The following H2AZ2 variants were observed in gnomAD, a reference collection of about 807,000 sequenced individuals.
H2AZ2 encodes H2A.Z variant histone 2.
A neutral mutation model predicts 15.5 loss-of-function variants in H2AZ2; 5 were observed. That is an observed-to-expected ratio of 0.32 (90% CI 0.17 to 0.68). The LOEUF is 0.68. Among genes scored for constraint, H2AZ2 ranks in the 30% least tolerant of loss-of-function variants. The pLI is 0.72. For synonymous variants in H2AZ2, 44 were observed against 57.4 expected, an observed-to-expected ratio of 0.77 and a Z score of 1.05; for missense variants, 42 against 162.5, an observed-to-expected ratio of 0.26 and a Z score of 4.03.
chr7:44,831,537 C>CA (rs1332521540), downstream of H2AZ2, among the ~76,000 whole-genome samples: 1 of 151,850 alleles, frequency 6.6e-6, no homozygotes, highest in Non-Finnish European at 1.5e-5. Context: ...CACTCCCCCC[C>CA]CCGCTTCTTT....
At chr7:44,836,983 G>A (rs912361519) in intron 3 of H2AZ2, among the ~76,000 whole-genome samples, 3 of 148,892 alleles carry the variant, frequency 2.0e-5, no homozygotes, top group Admixed American at 1.3e-4. Context: ...ACGACAGAGC[G>A]AGACTCTGTC....
chr7:44,834,163 T>A lies in H2AZ2; in HGVS notation c.*338A>T. The A allele has an allele frequency of 9.9e-7, 1 of 1,005,224 alleles. No individual in the cohort carries two copies. The highest frequency in any genetic ancestry group is 1.2e-6 in the Non-Finnish European group (1 of 831,596). The allele number at this position is 1,005,224 out of a possible 1,614,324, so 62.3% of individuals were successfully genotyped here. A position where few individuals can be genotyped will look rare whatever the true frequency, so the allele number is the denominator to read the frequency against. On this transcript the variant is annotated 3_prime_UTR_variant, in exon 5 of 5. Transcript: ENST00000308153. Reference sequence around the variant, plus strand: ...TACTCTGAATAACCAATCTGAGATTTAAAATATTTAAAGTCTGAGTAAAAT... The same window carrying A: ...TACTCTGAATAACCAATCTGAGATTAAAAATATTTAAAGTCTGAGTAAAAT...
At chr7:44,843,855 G>A (rs1793336311) in intron 1 of H2AZ2, among the ~76,000 whole-genome samples, 1 of 152,120 alleles carries the variant, frequency 6.6e-6, no homozygotes, top group Non-Finnish European at 1.5e-5. Context: ...ACAGTGCCAG[G>A]CTGAAAAATA....
intron 1 of H2AZ2, among the ~76,000 whole-genome samples, chr7:44,847,377 T>C (rs1046459180): frequency 1.3e-5 from 2 of 152,212 alleles, no homozygotes; most frequent in South Asian, 4.1e-4. Context: ...TGTTGTATAA[T>C]GAAAACCGCA....
At chr7:44,828,048 T>C (rs1792950417), downstream of H2AZ2, 1 of 152,174 alleles carries the variant, frequency 6.6e-6, no homozygotes, top group African/African-American at 2.4e-5. Flanking sequence ...GGCTATTTTT[T>C]TCTGTTAGTT....
At chr7:44,840,002 AAAATAAAT>A (rs149563809) in intron 3 of H2AZ2, among the ~76,000 whole-genome samples, 44,483 of 141,806 alleles carry the variant, frequency 0.31, 7,696 homozygotes, top group Non-Finnish European at 0.38. Flanking sequence ...ACCCTGTCTC[AAAATAAAT>A]AAATAAATAA....
In H2AZ2 at chr7:44,833,366, G is replaced by GGGACTACAGGCGC. The variant is rs1168543402; in HGVS notation, c.*1122_*1134dup. Among the ~76,000 whole-genome samples the GGGACTACAGGCGC allele has an allele frequency of 6.6e-6, 1 of 152,104 alleles. No individual in the cohort carries two copies. The highest frequency in any genetic ancestry group is 1.5e-5 in the Non-Finnish European group (1 of 68,036). On this transcript the variant is annotated 3_prime_UTR_variant, in exon 5 of 5. Transcript: ENST00000308153. The stretch of plus-strand genomic sequence containing the variant: ...TCATGCCTCAGCCTCCTGAGTAGCT[G>GGGACTACAGGCGC]GGACTACAGGCGCGTGCCACCACAC...
chr7:44,828,319 T>C (rs1222030051), downstream of H2AZ2: 1 of 152,176 alleles, frequency 6.6e-6, no homozygotes. Context: ...GTTCTCCATT[T>C]TGAGTTTACC....
rs1276092104 is a variant in H2AZ2 at position 44,832,839 on chromosome 7, A to C, written c.*1662T>G. Among the ~76,000 whole-genome samples, 1 of 152,050 alleles carries C rather than the reference A, an allele frequency of 6.6e-6. No homozygotes were observed. The highest frequency in any genetic ancestry group is 6.6e-5 in the Admixed American group (1 of 15,262). ...GTGGCATGTGCCTGTGGTCCCAGCT[A>C]TTTGCAGGGCTGAGGTAAGAGGATT... On this transcript the variant is annotated 3_prime_UTR_variant, in exon 5 of 5. Coordinates refer to ENST00000308153, the MANE Select transcript of H2AZ2 (RefSeq NM_012412.5).
chr7:44,841,081 T>C, intron 2 of H2AZ2, 69 bp from the exon 3 acceptor site: 1 of 1,165,028 alleles, frequency 8.6e-7, no homozygotes. Flanking sequence ...AATCAAAGGC[T>C]GAACAATGTA....
downstream of H2AZ2, among the ~76,000 whole-genome samples, chr7:44,831,334 T>C (rs10267576): frequency 0.35 from 52,603 of 152,072 alleles, 10,202 homozygotes; most frequent in Middle Eastern, 0.45. Flanking sequence ...CCAGAGTACA[T>C]GACCTAGTTG....
chr7:44,846,316 A>C (rs1416488315), intron 1 of H2AZ2, among the ~76,000 whole-genome samples: 1 of 152,154 alleles, frequency 6.6e-6, no homozygotes, highest in Admixed American at 6.6e-5. Flanking sequence ...AGATTGAAAA[A>C]TATCTGAAAA....
intron 1 of H2AZ2, among the ~76,000 whole-genome samples, chr7:44,846,060 C>CAGAGAGAGAG (rs1167886736): frequency 1.5e-4 from 12 of 78,278 alleles, no homozygotes; most frequent in South Asian, 1.0e-3. Flanking sequence ...CACACACACA[C>CAGAGAGAGAG]ACAGAGAGAG....
Position 44,834,470 on chromosome 7 carries a change from G to A in H2AZ2, c.*31C>T, listed in dbSNP as rs369459650. The A allele has an allele frequency of 1.0e-5, 16 of 1,599,886 alleles. No individual in the cohort carries two copies. Among genetic ancestry groups the A allele is most frequent in the Admixed American group, 1.7e-5 (1 of 58,466 alleles). On this transcript the variant is annotated 3_prime_UTR_variant, in exon 5 of 5. Coordinates refer to ENST00000308153, the MANE Select transcript of H2AZ2 (RefSeq NM_012412.5). Reference sequence around the variant, plus strand: ...TCTGTCCCAGTTACAGTACAATGACGGGGAGGAAGAGGGTTGGTTAAAGCA... The same window carrying A: ...TCTGTCCCAGTTACAGTACAATGACAGGGAGGAAGAGGGTTGGTTAAAGCA...
chr7:44,829,844 T>C (rs1476052794), downstream of H2AZ2: 1 of 266,924 alleles, frequency 3.7e-6, no homozygotes, highest in African/African-American at 2.3e-5. Context: ...AGGATGGTAG[T>C]GTGGACCAAC....
At chr7:44,834,612 C>G in intron 4 of H2AZ2, 50 bp from the exon 5 acceptor site, 1 of 1,505,852 alleles carries the variant, frequency 6.6e-7, no homozygotes, top group South Asian at 1.2e-5. Flanking sequence ...GTTTTTGCCT[C>G]AAGTAAAAAG....
downstream of H2AZ2, among the ~76,000 whole-genome samples, chr7:44,831,556 ACAAT>A (rs1793001020): frequency 6.6e-6 from 1 of 151,034 alleles, no homozygotes. Flanking sequence ...TTTTTTTCAA[ACAAT>A]CAGCTTTCTA....
chr7:44,834,155 C>T lies in H2AZ2; in HGVS notation c.*346G>A. The T allele has an allele frequency of 1.0e-6, 1 of 994,038 alleles. No individual in the cohort carries two copies. Among genetic ancestry groups the T allele is most frequent in the Non-Finnish European group, 1.2e-6 (1 of 824,042 alleles). 61.6% of individuals were successfully genotyped at this position (994,038 alleles called of 1,614,324 possible). On this transcript the variant is annotated 3_prime_UTR_variant, in exon 5 of 5. Transcript: ENST00000308153. ...TCTAAGGTTACTCTGAATAACCAAT[C>T]TGAGATTTAAAATATTTAAAGTCTG...
downstream of H2AZ2, chr7:44,827,876 C>T (rs1018431983): frequency 1.3e-5 from 2 of 152,066 alleles, no homozygotes; most frequent in Non-Finnish European, 2.9e-5. Context: ...CTTTGGCAGG[C>T]GAAACGTTCA....
Sources: allele counts gnomAD v4.1 joint callset (sites outside exome capture counted in the v4.1 genomes callset), GRCh38; gene constraint gnomAD v4.1.1; transcripts MANE v1.5; gene names NCBI Gene and HGNC (gene_info 2026-07-23, HGNC 2026-07-21).